Variants in ZNF675 observed in about 807,000 individuals in gnomAD.
ZNF675 encodes zinc finger protein 675, also known as TRAF6 inhibitory zinc finger.
In ZNF675, 36 loss-of-function variants were observed where a neutral mutation model predicts 56.1. The ratio of observed to expected loss-of-function variants is 0.64; its 90% confidence interval spans 0.49 to 0.85. The LOEUF is 0.85. ZNF675 is among the 40% of genes least tolerant of loss of function. The probability of loss-of-function intolerance (pLI) is 0.00; values close to 1 mark genes in which losing one functional copy is unlikely to be tolerated. For synonymous variants in ZNF675, 200 were observed against 218.9 expected (o/e 0.91, Z 0.76); for missense variants, 663 against 654.2 (o/e 1.01, Z -0.15).
At chr19:23,658,861 A>ATCT (rs368111883) in intron 3 of ZNF675, among the ~76,000 whole-genome samples, 978 of 6,488 alleles carry the variant, frequency 0.15, 32 homozygotes, top group Non-Finnish European at 0.25. Flanking sequence ...ATAGATATAG[A>ATCT]AATAGATCTA....
chr19:23,686,289 G>A (rs1393830089), intron 1 of ZNF675: 1 of 151,888 alleles, frequency 6.6e-6, no homozygotes, highest in Non-Finnish European at 1.5e-5. Flanking sequence ...CAATATTTTT[G>A]TGGTGATCCC....
At chr19:23,684,749 C>G (rs1968422089) in intron 1 of ZNF675, among the ~76,000 whole-genome samples, 1 of 152,180 alleles carries the variant, frequency 6.6e-6, no homozygotes, top group Non-Finnish European at 1.5e-5. Flanking sequence ...GCTCAATGAC[C>G]ACCCTCTCAC....
intron 1 of ZNF675, chr19:23,686,347 A>G (rs34491715): frequency 0.097 from 14,741 of 152,034 alleles, 791 homozygotes; most frequent in South Asian, 0.17. Context: ...ATTTTTTAAG[A>G]CGGAGTTTCG....
rs572546068 is a variant in ZNF675 at position 23,680,240 on chromosome 19, T to C, written c.3+6791A>G. Among the ~76,000 whole-genome samples, 17 of 150,196 alleles carry C rather than the reference T, an allele frequency of 1.1e-4. No homozygotes were observed. In the South Asian group the frequency reaches 3.3e-3, roughly 30 times the overall value. On this transcript the variant is annotated intron_variant, in intron 1 of 3. Coordinates refer to ENST00000359788, the MANE Select transcript of ZNF675 (RefSeq NM_138330.3). ...CTCGCTTGAACCTAGGAGGCGGAGG[T>C]TGCAGCGAGCTGACATCTGCACAAC...
At chr19:23,666,936 T>A (rs988020124) in intron 1 of ZNF675, among the ~76,000 whole-genome samples, 5 of 152,154 alleles carry the variant, frequency 3.3e-5, no homozygotes, top group Admixed American at 6.5e-5. Context: ...CTGAGTCCTA[T>A]TGTTTTTGTC....
intron 1 of ZNF675, among the ~76,000 whole-genome samples, chr19:23,663,701 G>C (rs1237302396): frequency 6.6e-6 from 1 of 152,154 alleles, no homozygotes; most frequent in East Asian, 1.9e-4. Flanking sequence ...TGGGCAACAA[G>C]AGTGAGACTC....
intron 1 of ZNF675, among the ~76,000 whole-genome samples, chr19:23,679,850 C>T (rs1407299846): frequency 1.3e-5 from 2 of 150,780 alleles, no homozygotes; most frequent in African/African-American, 2.5e-5. Flanking sequence ...CTTAGCCAGG[C>T]GTGGTGGCAG....
intron 1 of ZNF675, among the ~76,000 whole-genome samples, chr19:23,671,576 T>A (rs1968227109): frequency 7.2e-6 from 1 of 139,346 alleles, no homozygotes. Context: ...TGTGCCACCA[T>A]GGGGTTGGGT....
At chr19:23,672,088 G>C (rs900240178) in intron 1 of ZNF675, among the ~76,000 whole-genome samples, 8 of 151,948 alleles carry the variant, frequency 5.3e-5, no homozygotes, top group African/African-American at 1.7e-4. Flanking sequence ...CTAGGGATGA[G>C]AGACTCAGGC....
chr19:23,665,917 A>C (rs1968145131), intron 1 of ZNF675, among the ~76,000 whole-genome samples: 1 of 152,208 alleles, frequency 6.6e-6, no homozygotes, highest in Non-Finnish European at 1.5e-5. Flanking sequence ...CTCTTGTTAC[A>C]ACACAAATAC....
intron 1 of ZNF675, among the ~76,000 whole-genome samples, chr19:23,664,511 A>G (rs1384761220): frequency 1.3e-5 from 2 of 152,220 alleles, no homozygotes; most frequent in Non-Finnish European, 2.9e-5. Flanking sequence ...CAATGAAAAT[A>G]CGGACCACAC....
chr19:23,661,236 T>C (rs191765444), intron 3 of ZNF675, among the ~76,000 whole-genome samples: 1 of 152,186 alleles, frequency 6.6e-6, no homozygotes, highest in East Asian at 1.9e-4. Context: ...TTCTAGTTTT[T>C]ATCTGACCTC....
At chr19:23,669,863 T>TA (rs56754101) in intron 1 of ZNF675, among the ~76,000 whole-genome samples, 5 of 147,946 alleles carry the variant, frequency 3.4e-5, no homozygotes, top group Non-Finnish European at 4.5e-5. Context: ...AAAAAAAAAT[T>TA]AAAAAAAAAA....
intron 3 of ZNF675, chr19:23,658,451 G>C (rs1273372911): frequency 6.6e-6 from 1 of 151,936 alleles, no homozygotes; most frequent in Non-Finnish European, 1.5e-5. Context: ...GGAGGCCAAG[G>C]AAGATGGATC....
At chr19:23,678,322 G>T (rs145918066) in intron 1 of ZNF675, among the ~76,000 whole-genome samples, 1 of 149,978 alleles carries the variant, frequency 6.7e-6, no homozygotes, top group African/African-American at 2.5e-5. Flanking sequence ...CTGTGGTGAG[G>T]TCTTGGATCA....
intron 1 of ZNF675, among the ~76,000 whole-genome samples, chr19:23,669,011 C>G (rs575254042): frequency 6.6e-6 from 1 of 152,204 alleles, no homozygotes; most frequent in African/African-American, 2.4e-5. Context: ...CCTCAAGTGC[C>G]GCCAAAGTAG....
At chr19:23,671,497 A>G (rs1372734306) in intron 1 of ZNF675, among the ~76,000 whole-genome samples, 1 of 152,082 alleles carries the variant, frequency 6.6e-6, no homozygotes, top group Admixed American at 6.5e-5. Context: ...GGGATATACT[A>G]AGCCCCTGCC....
chr19:23,668,843 G>A (rs6511486), intron 1 of ZNF675, among the ~76,000 whole-genome samples: 131,562 of 152,166 alleles, frequency 0.86, 57,387 homozygotes, highest in Non-Finnish European at 0.92. Flanking sequence ...CCAAGCCCAC[G>A]CCCACCCGGA....
chr19:23,669,078 G>A (rs1209383219), intron 1 of ZNF675, among the ~76,000 whole-genome samples: 4 of 152,198 alleles, frequency 2.6e-5, no homozygotes, highest in Admixed American at 6.5e-5. Flanking sequence ...CTGCCAGCAC[G>A]CTGTCACCTC....
Sources: gnomAD v4.1 joint callset for allele counts (sites outside exome capture counted in the v4.1 genomes callset) on GRCh38, gnomAD v4.1.1 for gene constraint, MANE v1.5 for transcripts, NCBI Gene and HGNC (gene_info 2026-07-23, HGNC 2026-07-21) for gene names.